The following ZNF496 variants were observed in gnomAD, a reference collection of about 807,000 sequenced individuals.
ZNF496 encodes NSD1 (nuclear receptor binding SET-domain containing 1)-interacting zinc finger protein 1.
A neutral mutation model predicts 58.9 loss-of-function variants in ZNF496; 11 were observed. The ratio of observed to expected loss-of-function variants is 0.19; its 90% CI spans 0.12 to 0.31. The LOEUF (loss-of-function observed/expected upper bound fraction) is 0.31, where lower values mean the gene tolerates loss of function less well. Ranked by LOEUF, ZNF496 falls within the 10% of genes least tolerant of loss-of-function variation. ZNF496 has a pLI of 1.00. For missense variants in ZNF496, 660 were observed against 783.0 expected (o/e 0.84, Z 1.88); for synonymous variants, 338 against 318.2 (o/e 1.06, Z -0.66).
chr1:247,304,132 T>G, intron 9 of ZNF496: 1 of 384,384 alleles, frequency 2.6e-6, no homozygotes. Context: ...CCGATAGATC[T>G]ATCTGGCTAT....
chr1:247,314,663 T>C (rs545585909), intron 6 of ZNF496, among the ~76,000 whole-genome samples: 2 of 152,318 alleles, frequency 1.3e-5, no homozygotes, highest in African/African-American at 4.8e-5. Context: ...CCTACCTCTC[T>C]GGAAAACTAT....
chr1:247,330,647 G>A (rs1660291602), intron 2 of ZNF496, among the ~76,000 whole-genome samples: 1 of 152,198 alleles, frequency 6.6e-6, no homozygotes, highest in Non-Finnish European at 1.5e-5. Flanking sequence ...AGAACGCTGG[G>A]CCCGTGAAAG....
intron 5 of ZNF496, among the ~76,000 whole-genome samples, chr1:247,325,216 G>A (rs1317944996): frequency 2.6e-5 from 4 of 152,206 alleles, no homozygotes; most frequent in Non-Finnish European, 5.9e-5. Context: ...CACACAGATG[G>A]CAGTGCCATT....
At chr1:247,317,570 G>GCCCC (rs74163749) in intron 6 of ZNF496, among the ~76,000 whole-genome samples, 34 of 150,464 alleles carry the variant, frequency 2.3e-4, no homozygotes, top group African/African-American at 7.2e-4. Flanking sequence ...CTAAGAACAA[G>GCCCC]CCCCCCCCCC....
At chr1:247,324,732 A>AT (rs969871844) in intron 5 of ZNF496, among the ~76,000 whole-genome samples, 5 of 151,648 alleles carry the variant, frequency 3.3e-5, no homozygotes, top group African/African-American at 7.3e-5. Context: ...AATACATACA[A>AT]TTTTTTTTTG....
In ZNF496 at chr1:247,310,409, C is replaced by T. The variant is rs376741272; in HGVS notation, c.699G>A (p.Glu233=). The change falls in exon 7 of 10, where the codon GAG becomes GAA. Residue 233 remains glutamate (E), a synonymous_variant. Coordinates refer to ENST00000682384, the MANE Select transcript of ZNF496 (RefSeq NM_032752.3). ...FKDMILCFSE[E]DWSLLDPAQT... is the part of the protein sequence containing the mutation. ...GGGCAGGATCTAGAAGGGACCAATC[C>T]TCTTCAGAGAAGCATAAAATCATGT... 1.2e-6 allele frequency: 2 copies of T among 1,614,192 alleles called. No homozygotes were observed. Among genetic ancestry groups the T allele is most frequent in the Non-Finnish European group, 1.7e-6 (2 of 1,180,044 alleles).
At chr1:247,315,081 T>A (rs1303198002) in intron 6 of ZNF496, among the ~76,000 whole-genome samples, 1 of 115,976 alleles carries the variant, frequency 8.6e-6, no homozygotes, top group African/African-American at 3.2e-5. Flanking sequence ...TTTTTTTTTT[T>A]TAAAAAAAGC....
At chr1:247,328,404 C>A (rs1660207888) in intron 5 of ZNF496, among the ~76,000 whole-genome samples, 2 of 152,174 alleles carry the variant, frequency 1.3e-5, no homozygotes, top group African/African-American at 4.8e-5. Flanking sequence ...GAGATGCACC[C>A]TCGAAGAGAT....
Position 247,300,926 on chromosome 1 carries a change from G to A in ZNF496, c.1357C>T (p.His453Tyr). 1 of 1,613,646 alleles carries A rather than the reference G, an allele frequency of 6.2e-7. No individual in the cohort carries two copies. Among genetic ancestry groups the A allele is most frequent in the Non-Finnish European group, 8.5e-7 (1 of 1,179,774 alleles). ...LFSDSEDLDGHLESHEAQKPY... is the reference protein window; with the variant it reads ...LFSDSEDLDGYLESHEAQKPY... ...TTCTGGGCCTCGTGGCTCTCTAGGT[G>A]CCCATCCAGGTCCTCGCTGTCGCTG... The change falls in exon 10 of 10, where the codon CAC becomes TAC. Residue 453 changes from histidine (H) to tyrosine (Y), a missense_variant. By Grantham distance (83) the His-to-Tyr change is moderately conservative. Transcript: ENST00000682384. This position sits in a 1 kb window ranked among gnomAD's most constrained non-coding sequence, Gnocchi z 5.7.
rs1260242574 is a variant in ZNF496, at chr1:247,301,113, C to T, written c.1170G>A (p.Arg390=). 4.3e-6 allele frequency: 7 copies of T among 1,613,690 alleles called. No individual in the cohort carries two copies. The highest frequency in any genetic ancestry group is 1.3e-5 in the African/African-American group (1 of 74,928). The change falls in exon 10 of 10, where the codon CGG becomes CGA. Residue 390 remains arginine, a synonymous_variant. Coordinates refer to ENST00000682384, the MANE Select transcript of ZNF496 (RefSeq NM_032752.3). ...EKQRSLPASH[R]SSTEAGGEVQ... ...CCTCGCCTCCGGCCTCGGTGCTGCT[C>T]CGGTGGGAGGCGGGGAGGCTGCGCT...
chr1:247,328,112 T>C (rs1660196043), intron 5 of ZNF496, among the ~76,000 whole-genome samples: 1 of 152,224 alleles, frequency 6.6e-6, no homozygotes, highest in South Asian at 2.1e-4. Flanking sequence ...AATCTAAGTT[T>C]ATCTGATGAA....
chr1:247,307,902 G>A, intron 9 of ZNF496: 2 of 985,406 alleles, frequency 2.0e-6, no homozygotes, highest in Non-Finnish European at 2.4e-6. Flanking sequence ...TCTACACTGT[G>A]GCTATTTCTC....
rs961939054 is a variant in ZNF496 at position 247,314,118 on chromosome 1, G to A, written c.652-3662C>T. On this transcript the variant is annotated intron_variant, in intron 6 of 9. Transcript: ENST00000682384. ...TCTGTCACCCCGGCTGGAGTGCAGTGGCACAACCACAGCTCACTGCAGCCT... is the reference window on the plus strand; with the variant it reads ...TCTGTCACCCCGGCTGGAGTGCAGTAGCACAACCACAGCTCACTGCAGCCT... 9.2e-5 allele frequency among the ~76,000 whole-genome samples: 14 copies of A among 152,146 alleles called. 1 individual carries two copies. In the South Asian group the frequency reaches 1.0e-3, roughly 11 times the overall value.
intron 6 of ZNF496, among the ~76,000 whole-genome samples, chr1:247,318,798 C>T (rs1465021440): frequency 1.3e-5 from 2 of 152,122 alleles, no homozygotes; most frequent in Non-Finnish European, 2.9e-5. Flanking sequence ...AACAGTAAGC[C>T]ACAATATGGG....
At chr1:247,328,027 T>C (rs1440295932) in intron 5 of ZNF496, among the ~76,000 whole-genome samples, 2 of 152,208 alleles carry the variant, frequency 1.3e-5, no homozygotes, top group African/African-American at 2.4e-5. Context: ...GTAATTACTA[T>C]CTCTGCTGGA....
In ZNF496 at chr1:247,331,424, C is replaced by A. The variant is rs1040337711; in HGVS notation, c.-154+8G>T. 3 of 152,222 alleles carry A rather than the reference C, an allele frequency of 2.0e-5. No individual in the cohort carries two copies. Among genetic ancestry groups the A allele is most frequent in the African/African-American group, 4.8e-5 (2 of 41,446 alleles). 9.4% of individuals were successfully genotyped at this position (152,222 alleles called of 1,614,324 possible). A position where few individuals can be genotyped will look rare whatever the true frequency, so the allele number is the denominator to read the frequency against. On this transcript the variant is annotated splice_region_variant and intron_variant, in intron 2 of 9. Transcript: ENST00000682384. The stretch of plus-strand genomic sequence containing the variant: ...CGTCTCCCGTCTCGCCGGCTCCGGG[C>A]TCCTCACCTCACAGCCTGGAGCTCC...
chr1:247,301,087 A>G lies in ZNF496; in HGVS notation c.1196T>C (p.Val399Ala). Residue 399 changes from valine (V) to alanine (A), a missense_variant, in exon 10 of 10, where the codon GTG (valine) becomes GCG (alanine). Transcript: ENST00000682384. ...CACGTAGGACTTCTTGGAGGTCTGC[A>G]CCTCGCCTCCGGCCTCGGTGCTGCT... ...HRSSTEAGGE[V>A]QTSKKSYVCP... 6.2e-7 allele frequency: 1 copy of G among 1,613,632 alleles called. No individual in the cohort carries two copies. The highest frequency in any genetic ancestry group is 8.5e-7 in the Non-Finnish European group (1 of 1,180,018).
chr1:247,322,247 CATTGA>C (rs1291700178), intron 6 of ZNF496, among the ~76,000 whole-genome samples: 1 of 152,112 alleles, frequency 6.6e-6, no homozygotes, highest in Non-Finnish European at 1.5e-5. Context: ...TGTGCCACTG[CATTGA>C]AGCCTGGGTG....
At position 247,308,435 on chromosome 1, in the gene ZNF496, C is replaced by T. The variant is rs544453332; in HGVS notation, c.1006+40G>A. 1.3e-6 allele frequency: 2 copies of T among 1,573,160 alleles called. No homozygotes were observed. The highest frequency in any genetic ancestry group is 4.5e-5 in the East Asian group (2 of 44,670). ...ATACATTCATGCGACACACCACAGA[C>T]ACACAGGGACAAACCCATACCTCCC... On this transcript the variant is annotated intron_variant, in intron 9 of 9. Coordinates refer to ENST00000682384, the MANE Select transcript of ZNF496 (RefSeq NM_032752.3). The surrounding 1 kb of genome is among the most constrained non-coding windows in gnomAD (Gnocchi z 4.5).
Sources: allele counts gnomAD v4.1 joint callset (sites outside exome capture counted in the v4.1 genomes callset), GRCh38; gene constraint gnomAD v4.1.1; non-coding constraint Gnocchi (gnomAD v3.1); transcripts MANE v1.5; gene names NCBI Gene and HGNC (gene_info 2026-07-23, HGNC 2026-07-21).